Variants in CAPN5 observed in about 807,000 individuals in gnomAD.
CAPN5 encodes the protein calpain 5.
CAPN5 carries 54 observed loss-of-function variants against 73.0 expected under a neutral mutation model. The ratio of observed to expected loss-of-function variants is 0.74; its 90% CI spans 0.59 to 0.93. The LOEUF (loss-of-function observed/expected upper bound fraction) is 0.93, where lower values mean the gene tolerates loss of function less well. CAPN5 is among the 40% of genes least tolerant of loss of function. The pLI, the probability that CAPN5 is intolerant of heterozygous loss-of-function variation, is 0.00. For missense variants in CAPN5, 785 were observed against 882.9 expected (o/e 0.89, Z 1.41); for synonymous variants, 335 against 356.9 (o/e 0.94, Z 0.69).
chr11:77,084,461 A>G (rs553497981), intron 1 of CAPN5, among the ~76,000 whole-genome samples: 1 of 152,276 alleles, frequency 6.6e-6, no homozygotes, highest in Admixed American at 6.5e-5. Flanking sequence ...GGAAACCCAG[A>G]GGCACACGCT....
intron 6 of CAPN5, among the ~76,000 whole-genome samples, chr11:77,115,977 C>G (rs1555041683): frequency 1.3e-5 from 2 of 152,088 alleles, no homozygotes; most frequent in Admixed American, 6.5e-5. Context: ...CCCCTTCCCC[C>G]CAGTCTGCAG....
In CAPN5 at chr11:77,119,029, G is replaced by GTACATCTTCGAAGTCAAGAAGCCAGAA; in HGVS notation, c.1168_1194dup (p.Tyr390_Glu398dup). The GTACATCTTCGAAGTCAAGAAGCCAGAA allele has an allele frequency of 4.3e-6, 7 of 1,611,762 alleles. No individual in the cohort carries two copies. Among genetic ancestry groups the GTACATCTTCGAAGTCAAGAAGCCAGAA allele is most frequent in the Non-Finnish European group, 5.9e-6 (7 of 1,178,940 alleles). ...CTCTCTCTCCTTGGCCACACCTGCA[G>GTACATCTTCGAAGTCAAGAAGCCAGAA]TACATCTTCGAAGTCAAGAAGCCAG... On this transcript the variant is annotated inframe_insertion and splice_region_variant. Coordinates refer to ENST00000648180, the MANE Select transcript of CAPN5 (RefSeq NM_004055.5).
chr11:77,105,809 G>T (rs1950340306), intron 3 of CAPN5, among the ~76,000 whole-genome samples: 1 of 152,216 alleles, frequency 6.6e-6, no homozygotes, highest in Non-Finnish European at 1.5e-5. Context: ...TGCCTCACTT[G>T]ATCCTTCCTC....
At chr11:77,070,471 AG>A (rs1949891362) in intron 1 of CAPN5, among the ~76,000 whole-genome samples, 1 of 152,224 alleles carries the variant, frequency 6.6e-6, no homozygotes, top group Admixed American at 6.5e-5. Flanking sequence ...TACTCATAGC[AG>A]GAACTAAGAA....
chr11:77,090,206 T>TCTTC lies in CAPN5; in HGVS notation c.166-3476_166-3475insCTTC, dbSNP rs565027189. On this transcript the variant is annotated intron_variant, in intron 2 of 12. Transcript: ENST00000648180. ...ACCAACCTCAGGTGGTTTCTGTTGG[T>TCTTC]TAGAGCTGGTGACCCTGAGCCTCTC... Among the ~76,000 whole-genome samples, 566 of 152,288 alleles carry TCTTC rather than the reference T, an allele frequency of 3.7e-3. 3 individuals are homozygous for TCTTC. Among genetic ancestry groups the TCTTC allele is most frequent in the African/African-American group, 0.012 (519 of 41,552 alleles).
intron 3 of CAPN5, among the ~76,000 whole-genome samples, chr11:77,096,572 C>A (rs1294991833): frequency 6.6e-6 from 1 of 152,234 alleles, no homozygotes; most frequent in Non-Finnish European, 1.5e-5. Flanking sequence ...GCTTCCCCGA[C>A]TTGATGGTAC....
intron 1 of CAPN5, chr11:77,073,041 G>A (rs782715242): frequency 5.2e-5 from 67 of 1,283,914 alleles, no homozygotes; most frequent in Non-Finnish European, 6.0e-5. Context: ...ACCCCACCCC[G>A]GGTGAGAGAG....
chr11:77,073,788 C>T (rs1949937028), intron 1 of CAPN5, among the ~76,000 whole-genome samples: 2 of 152,198 alleles, frequency 1.3e-5, no homozygotes, highest in Non-Finnish European at 2.9e-5. Flanking sequence ...CAGGATTTCC[C>T]AGCCCTGGTG....
At chr11:77,096,023 C>T (rs1002479332) in intron 3 of CAPN5, among the ~76,000 whole-genome samples, 3 of 152,164 alleles carry the variant, frequency 2.0e-5, no homozygotes, top group East Asian at 1.9e-4. Flanking sequence ...CGGGGCCCTG[C>T]GGAGCTCATT....
intron 1 of CAPN5, among the ~76,000 whole-genome samples, chr11:77,079,911 C>T (rs1591112930): frequency 1.3e-5 from 2 of 152,140 alleles, no homozygotes; most frequent in Middle Eastern, 6.8e-3. Flanking sequence ...TGAAGTTGGG[C>T]ACTTTTTCTT....
intron 1 of CAPN5, among the ~76,000 whole-genome samples, chr11:77,068,122 G>C (rs948379964): frequency 6.6e-6 from 1 of 152,160 alleles, no homozygotes; most frequent in African/African-American, 2.4e-5. Flanking sequence ...AGGCCTGCTG[G>C]GGGAACCACT....
intron 5 of CAPN5, among the ~76,000 whole-genome samples, chr11:77,115,015 A>G (rs961043178): frequency 2.6e-5 from 4 of 152,056 alleles, no homozygotes; most frequent in Admixed American, 1.3e-4. Flanking sequence ...GTGAGCCAAG[A>G]TCGCGCCATT....
intron 3 of CAPN5, among the ~76,000 whole-genome samples, chr11:77,104,325 T>C (rs1265666573): frequency 6.6e-6 from 1 of 152,196 alleles, no homozygotes; most frequent in Non-Finnish European, 1.5e-5. Flanking sequence ...TCAGGCTCTT[T>C]AGAGCTTGCA....
intron 3 of CAPN5, among the ~76,000 whole-genome samples, chr11:77,102,677 C>T (rs1288972884): frequency 6.6e-5 from 10 of 152,242 alleles, no homozygotes; most frequent in Admixed American, 5.9e-4. Context: ...ACACACACCC[C>T]ATTTTGAGAA....
chr11:77,085,413 A>G (rs782259311), intron 2 of CAPN5, among the ~76,000 whole-genome samples: 23 of 152,352 alleles, frequency 1.5e-4, no homozygotes, highest in Admixed American at 5.9e-4. Context: ...TCCAAATGTA[A>G]GGAATTTACT....
At chr11:77,100,905 C>T (rs1950276799) in intron 3 of CAPN5, among the ~76,000 whole-genome samples, 1 of 152,358 alleles carries the variant, frequency 6.6e-6, no homozygotes, top group Admixed American at 6.5e-5. Flanking sequence ...CAGTCACCTG[C>T]TGCCATGCCA....
In CAPN5 at chr11:77,083,717, G is replaced by C. The variant is rs1950051381; in HGVS notation, c.-35-1135G>C. On this transcript the variant is annotated intron_variant, in intron 1 of 12. Transcript: ENST00000648180. ...CTCCTCAGCCTTCAGTTAATGGGTT[G>C]ACTCCTTCCAGGAGGTGCAGCAGCA... Among the ~76,000 whole-genome samples, 3 of 152,142 alleles carry C rather than the reference G, an allele frequency of 2.0e-5. No homozygotes were observed. The South Asian group carries it at 6.2e-4, about 32-fold the overall frequency.
At chr11:77,068,608 G>A (rs957057591) in intron 1 of CAPN5, among the ~76,000 whole-genome samples, 5 of 152,150 alleles carry the variant, frequency 3.3e-5, no homozygotes, top group Non-Finnish European at 7.4e-5. Context: ...GTCCAAGAAG[G>A]GCCACCTTTG....
intron 2 of CAPN5, among the ~76,000 whole-genome samples, chr11:77,087,666 A>G (rs1369922683): frequency 2.6e-5 from 4 of 152,108 alleles, no homozygotes; most frequent in Non-Finnish European, 4.4e-5. Context: ...GGGAAGGATA[A>G]TTCTTGCTGG....
Sources: allele counts gnomAD v4.1 joint callset (sites outside exome capture counted in the v4.1 genomes callset), GRCh38; gene constraint gnomAD v4.1.1; transcripts MANE v1.5; gene names NCBI Gene and HGNC (gene_info 2026-07-23, HGNC 2026-07-21).